The following KDM4C variants were observed in gnomAD, a reference collection of about 807,000 sequenced individuals.
The protein encoded by KDM4C is lysine-specific demethylase 4C.
A neutral mutation model predicts 129.3 loss-of-function variants in KDM4C; 81 were observed. The ratio of observed to expected loss-of-function variants is 0.63; its 90% CI spans 0.52 to 0.75. KDM4C has a LOEUF of 0.75. Ranked by LOEUF, KDM4C falls within the 30% of genes least tolerant of loss-of-function variation. KDM4C has a pLI of 0.00. For missense variants in KDM4C, 1,457 were observed against 1,304.0 expected (o/e 1.12, Z -1.81); for synonymous variants, 573 against 456.1 (o/e 1.26, Z -3.26).
intron 2 of KDM4C, among the ~76,000 whole-genome samples, chr9:6,803,881 G>A (rs1829476581): frequency 6.6e-6 from 1 of 152,100 alleles, no homozygotes; most frequent in South Asian, 2.1e-4. Context: ...GAGTGCAGTG[G>A]TGTGATCTTG....
intron 1 of KDM4C, among the ~76,000 whole-genome samples, chr9:6,787,128 G>T (rs1825652119): frequency 6.6e-6 from 1 of 152,166 alleles, no homozygotes; most frequent in Non-Finnish European, 1.5e-5. Flanking sequence ...ATATTTCCTA[G>T]ACCAGTTAGC....
chr9:7,142,879 A>G (rs1461530625), intron 19 of KDM4C, among the ~76,000 whole-genome samples: 1 of 152,196 alleles, frequency 6.6e-6, no homozygotes, highest in Non-Finnish European at 1.5e-5. Flanking sequence ...GTGTGTACAC[A>G]CAATGTATTC....
chr9:6,889,935 T>G (rs1259545673), intron 7 of KDM4C, among the ~76,000 whole-genome samples: 1 of 152,190 alleles, frequency 6.6e-6, no homozygotes, highest in Admixed American at 6.5e-5. Flanking sequence ...TACTACATGG[T>G]AGATCGCTGG....
chr9:7,104,888 C>T (rs1325424422), intron 18 of KDM4C, among the ~76,000 whole-genome samples: 1 of 152,216 alleles, frequency 6.6e-6, no homozygotes, highest in Non-Finnish European at 1.5e-5. Flanking sequence ...ATGCTTTCAG[C>T]AATTTCCATT....
intron 1 of KDM4C, among the ~76,000 whole-genome samples, chr9:6,726,252 C>G (rs1190301996): frequency 2.6e-5 from 4 of 152,162 alleles, no homozygotes; most frequent in South Asian, 4.1e-4. Context: ...TGGTCAGCCC[C>G]TCAAACCAGA....
At chr9:7,005,770 A>G (rs1356623031) in intron 12 of KDM4C, among the ~76,000 whole-genome samples, 6 of 152,180 alleles carry the variant, frequency 3.9e-5, no homozygotes, top group African/African-American at 1.4e-4. Context: ...AACTTGTTGG[A>G]AAACCCTGAC....
At chr9:6,812,822 A>G (rs962757578) in intron 3 of KDM4C, among the ~76,000 whole-genome samples, 6 of 152,206 alleles carry the variant, frequency 3.9e-5, no homozygotes, top group African/African-American at 9.7e-5. Flanking sequence ...GGAACCTACT[A>G]GCAGAAGTGG....
intron 19 of KDM4C, among the ~76,000 whole-genome samples, chr9:7,156,712 A>T (rs1191671550): frequency 6.6e-6 from 1 of 152,094 alleles, no homozygotes; most frequent in Non-Finnish European, 1.5e-5. Context: ...ATTGGTCTAT[A>T]TCTCTGTTTT....
intron 15 of KDM4C, among the ~76,000 whole-genome samples, chr9:7,031,138 ATTT>A (rs1826664279): frequency 9.9e-6 from 1 of 101,452 alleles, no homozygotes; most frequent in Non-Finnish European, 2.0e-5. Flanking sequence ...TTGTTTATTT[ATTT>A]ATTTATTTAT....
intron 17 of KDM4C, among the ~76,000 whole-genome samples, chr9:7,091,448 GT>G (rs1269907961): frequency 6.6e-6 from 1 of 152,096 alleles, no homozygotes; most frequent in Non-Finnish European, 1.5e-5. Flanking sequence ...TAAAGAAAGA[GT>G]TTTTCCCTCT....
intron 8 of KDM4C, among the ~76,000 whole-genome samples, chr9:6,927,708 A>G (rs551368348): frequency 1.3e-5 from 2 of 152,082 alleles, no homozygotes; most frequent in Non-Finnish European, 2.9e-5. Context: ...CTACGTATCA[A>G]CCCTCCACAC....
At chr9:7,165,100 A>G (rs920287683) in intron 19 of KDM4C, 138 bp from the exon 20 acceptor site, 2 of 983,456 alleles carry the variant, frequency 2.0e-6, no homozygotes, top group African/African-American at 3.3e-5. Context: ...CTTCCCCTGA[A>G]CACCCATGCG....
chr9:6,972,256 TA>T (rs1310636690), intron 8 of KDM4C, among the ~76,000 whole-genome samples: 5 of 151,058 alleles, frequency 3.3e-5, no homozygotes, highest in Non-Finnish European at 7.4e-5. Flanking sequence ...TGTGTGTGTG[TA>T]TATATATATA....
chr9:7,020,272 A>G (rs2132245775), intron 15 of KDM4C, among the ~76,000 whole-genome samples: 1 of 152,348 alleles, frequency 6.6e-6, no homozygotes, highest in East Asian at 1.9e-4. Context: ...AATGATACAA[A>G]GAACTCCACA....
intron 8 of KDM4C, among the ~76,000 whole-genome samples, chr9:6,973,580 T>G (rs1832372690): frequency 6.6e-6 from 1 of 152,196 alleles, no homozygotes; most frequent in South Asian, 2.1e-4. Context: ...GTATGACATA[T>G]AGCATTTAAA....
chr9:6,946,690 A>T (rs1449805581), intron 8 of KDM4C, among the ~76,000 whole-genome samples: 1 of 152,104 alleles, frequency 6.6e-6, no homozygotes, highest in Non-Finnish European at 1.5e-5. Context: ...TATTGAATAT[A>T]CTCTGAGTTT....
chr9:6,758,273 C>T lies in KDM4C; in HGVS notation c.-18+70C>T, dbSNP rs1818660739. ...CCGGAGAGGTCTTCCCGGCACTGCC[C>T]CCCTCCGCGTGGGGCACGGGGGTGC... On this transcript the variant is annotated intron_variant, in intron 1 of 21. Transcript: ENST00000381309. This position sits in a 1 kb window ranked among gnomAD's most constrained non-coding sequence, Gnocchi z 4.6. The T allele has an allele frequency of 1.1e-6, 1 of 914,266 alleles. No homozygotes were observed. The highest frequency in any genetic ancestry group is 1.8e-5 in the African/African-American group (1 of 55,670). The allele number at this position is 914,266 out of a possible 1,614,324, so 56.6% of individuals were successfully genotyped here.
intron 5 of KDM4C, among the ~76,000 whole-genome samples, chr9:6,873,011 C>T (rs537087002): frequency 6.6e-6 from 1 of 152,212 alleles, no homozygotes; most frequent in African/African-American, 2.4e-5. Context: ...ATTGCAACCT[C>T]CGCCTCCTGG....
At chr9:6,780,806 C>A (rs1473585268) in intron 1 of KDM4C, among the ~76,000 whole-genome samples, 1 of 132,710 alleles carries the variant, frequency 7.5e-6, no homozygotes, top group Middle Eastern at 4.3e-3. Flanking sequence ...CGACTTTAAT[C>A]ATATTTGGAA....
Sources: gnomAD v4.1 joint callset for allele counts (sites outside exome capture counted in the v4.1 genomes callset) on GRCh38, gnomAD v4.1.1 for gene constraint, Gnocchi (gnomAD v3.1) non-coding constraint, MANE v1.5 for transcripts, NCBI Gene and HGNC (gene_info 2026-07-23, HGNC 2026-07-21) for gene names.